The following ITCH variants were observed in gnomAD, a reference collection of about 807,000 sequenced individuals.
ITCH encodes the protein E3 ubiquitin-protein ligase Itchy homolog.
In ITCH, 28 loss-of-function variants were observed where a neutral mutation model predicts 126.8. The observed-to-expected ratio is 0.22, with a 90% CI of 0.16 to 0.30. ITCH has a LOEUF of 0.30. ITCH is among the 10% of genes least tolerant of loss of function. The probability of loss-of-function intolerance (pLI) is 1.00; values close to 1 mark genes in which losing one functional copy is unlikely to be tolerated. For synonymous variants in ITCH, 342 were observed against 340.0 expected (o/e 1.01, Z -0.06); for missense variants, 631 against 1,032.4 (o/e 0.61, Z 5.33).
At chr20:34,387,501 G>GAC (rs1283307735) in intron 2 of ITCH, among the ~76,000 whole-genome samples, 1 of 151,790 alleles carries the variant, frequency 6.6e-6, no homozygotes, top group Non-Finnish European at 1.5e-5. Flanking sequence ...CCTGTGGTAT[G>GAC]TGGCTGTTAG....
intron 2 of ITCH, among the ~76,000 whole-genome samples, chr20:34,387,222 G>T (rs1426868082): frequency 2.0e-5 from 3 of 151,544 alleles, no homozygotes; most frequent in East Asian, 3.9e-4. Flanking sequence ...AGAATTGCTT[G>T]AACCCAGGAA....
chr20:34,438,106 A>T (rs144768659), intron 7 of ITCH, among the ~76,000 whole-genome samples: 1 of 152,208 alleles, frequency 6.6e-6, no homozygotes, highest in South Asian at 2.1e-4. Context: ...ACAATGGTAA[A>T]GTTATCTGTG....
intron 6 of ITCH, among the ~76,000 whole-genome samples, chr20:34,418,216 C>T (rs964378142): frequency 7.2e-5 from 11 of 151,766 alleles, no homozygotes; most frequent in Non-Finnish European, 1.2e-4. Flanking sequence ...CCTCCTGCTT[C>T]GGCCTGCCAA....
At chr20:34,451,308 A>G (rs1215155529) in intron 12 of ITCH, among the ~76,000 whole-genome samples, 1 of 151,138 alleles carries the variant, frequency 6.6e-6, no homozygotes, top group Non-Finnish European at 1.5e-5. Flanking sequence ...AAAAAAAAAG[A>G]AATTAGCCAG....
At chr20:34,488,538 C>T (rs1989292212) in intron 20 of ITCH, among the ~76,000 whole-genome samples, 1 of 151,852 alleles carries the variant, frequency 6.6e-6, no homozygotes, top group Non-Finnish European at 1.5e-5. Flanking sequence ...ATGATGAAAC[C>T]CCCGTCTCTA....
chr20:34,467,551 T>C (rs1018244318), intron 14 of ITCH, among the ~76,000 whole-genome samples: 1 of 151,492 alleles, frequency 6.6e-6, no homozygotes. Flanking sequence ...AAAAAAGATT[T>C]CTCATGAAGA....
intron 3 of ITCH, among the ~76,000 whole-genome samples, chr20:34,406,227 C>T (rs890694843): frequency 1.8e-4 from 27 of 152,040 alleles, no homozygotes; most frequent in African/African-American, 6.3e-4. Flanking sequence ...GGGGGTCTCA[C>T]TATGTTGACC....
Position 34,442,291 on chromosome 20 carries a change from C to T in ITCH, c.953C>T (p.Pro318Leu), listed in dbSNP as rs888291691. ...AGAACAACATGGGATAGACCAGAAC[C>T]TCTACCTCCTGGGTAAGTATCTAAA... The part of the protein sequence containing the change: ...EKRTTWDRPE[P>L]LPPGWERRVD... The change falls in exon 10 of 25, where the codon CCT becomes CTT. Residue 318 changes from proline to leucine, a missense_variant. By Grantham distance (98) the Pro-to-Leu change is moderately conservative (BLOSUM62 -3). This residue lies in a region of ITCH where 390 missense variants were observed against 731.6 expected (regional missense o/e 0.53). Coordinates refer to ENST00000374864, the MANE Select transcript of ITCH (RefSeq NM_031483.7). 6.2e-7 allele frequency: 1 copy of T among 1,606,654 alleles called. No homozygotes were observed.
chr20:34,495,717 G>A (rs1377505043), intron 23 of ITCH, among the ~76,000 whole-genome samples: 1 of 151,824 alleles, frequency 6.6e-6, no homozygotes, highest in Non-Finnish European at 1.5e-5. Flanking sequence ...TCCCTATCTT[G>A]GCCCTTGTGA....
intron 7 of ITCH, among the ~76,000 whole-genome samples, 187 bp from the exon 8 acceptor site, chr20:34,438,287 C>A (rs1222284354): frequency 1.3e-5 from 2 of 152,158 alleles, no homozygotes; most frequent in African/African-American, 4.8e-5. Context: ...TAGATGAACT[C>A]TGGGGGTTAT....
chr20:34,413,039 C>T (rs547744360), intron 5 of ITCH, among the ~76,000 whole-genome samples: 1 of 151,724 alleles, frequency 6.6e-6, no homozygotes, highest in Admixed American at 6.6e-5. Flanking sequence ...GACAAGGACT[C>T]ACTCTGTTTT....
chr20:34,397,984 C>T (rs1470474117), intron 3 of ITCH, among the ~76,000 whole-genome samples: 1 of 150,680 alleles, frequency 6.6e-6, no homozygotes, highest in Non-Finnish European at 1.5e-5. Context: ...TTGCTATCAT[C>T]GTTATTGAAT....
chr20:34,479,670 A>G lies in ITCH; in HGVS notation c.1699A>G (p.Met567Val), dbSNP rs1988548245. 1.9e-6 allele frequency: 3 copies of G among 1,614,042 alleles called. No individual in the cohort carries two copies. Among genetic ancestry groups the G allele is most frequent in the Non-Finnish European group, 2.5e-6 (3 of 1,179,890 alleles). The change falls in exon 18 of 25, where the codon ATG (methionine) becomes GTG (valine). Residue 567 changes from methionine (M) to valine (V), a missense_variant. Met to Val is a conservative substitution (Grantham distance 21, BLOSUM62 1). This residue lies in a region of ITCH where 390 missense variants were observed against 731.6 expected (regional missense o/e 0.53). Coordinates refer to ENST00000374864, the MANE Select transcript of ITCH (RefSeq NM_031483.7). ...FLLSHEVLNP[M>V]YCLFEYAGKD... is the part of the protein sequence containing the mutation. ...TTTGTCACATGAAGTGTTGAACCCA[A>G]TGTATTGCCTGTTTGAATATGCAGG...
chr20:34,365,964 C>G (rs117307209), intron 1 of ITCH, among the ~76,000 whole-genome samples: 6,798 of 152,092 alleles, frequency 0.045, 203 homozygotes, highest in Admixed American at 0.074. Context: ...AGCTTTGAGA[C>G]GAAAGAGGAA....
intron 2 of ITCH, among the ~76,000 whole-genome samples, chr20:34,389,279 A>G (rs996143597): frequency 2.6e-5 from 4 of 152,050 alleles, no homozygotes; most frequent in African/African-American, 9.7e-5. Flanking sequence ...CAGCCTTCCA[A>G]AGTACTGGGA....
chr20:34,502,411 T>G (rs1475419260), intron 23 of ITCH, among the ~76,000 whole-genome samples: 2 of 151,280 alleles, frequency 1.3e-5, no homozygotes, highest in Admixed American at 6.6e-5. Context: ...AAAAAAAAAT[T>G]TATAAAAAAT....
intron 23 of ITCH, among the ~76,000 whole-genome samples, chr20:34,502,039 A>G (rs372225370): frequency 6.6e-6 from 1 of 152,180 alleles, no homozygotes. Flanking sequence ...AGCCTCGGAG[A>G]CCATAACATT....
chr20:34,503,908 G>T (rs552011802), intron 23 of ITCH, among the ~76,000 whole-genome samples: 48 of 140,122 alleles, frequency 3.4e-4, no homozygotes, highest in Middle Eastern at 3.8e-3. Context: ...TTGAGATAGG[G>T]TCTCGTTCTG....
chr20:34,478,038 C>A, intron 17 of ITCH, 178 bp downstream of exon 17: 1 of 737,396 alleles, frequency 1.4e-6, no homozygotes, highest in Non-Finnish European at 2.2e-6. Flanking sequence ...TCAGCACTTT[C>A]TATGTCATGT....
Sources: gnomAD v4.1 joint callset for allele counts (sites outside exome capture counted in the v4.1 genomes callset) on GRCh38, gnomAD v4.1.1 for gene constraint, gnomAD v4.1.1 regional missense constraint, MANE v1.5 for transcripts, NCBI Gene and HGNC (gene_info 2026-07-23, HGNC 2026-07-21) for gene names.